Variants in DYNC1I1 observed in about 807,000 individuals in gnomAD.
DYNC1I1 encodes the protein cytoplasmic dynein 1 intermediate chain 1.
A neutral mutation model predicts 86.6 loss-of-function variants in DYNC1I1; 43 were observed. The observed-to-expected ratio is 0.50, with a 90% CI of 0.39 to 0.64. The LOEUF is 0.64. Among genes scored for constraint, DYNC1I1 ranks in the 30% least tolerant of loss-of-function variants. The pLI is 0.00. For missense variants in DYNC1I1, 604 were observed against 788.8 expected, an observed-to-expected ratio of 0.77 and a Z score of 2.81; for synonymous variants, 262 against 283.7, an observed-to-expected ratio of 0.92 and a Z score of 0.77.
intron 14 of DYNC1I1, among the ~76,000 whole-genome samples, chr7:96,069,590 T>C (rs1790102060): frequency 6.6e-6 from 1 of 152,196 alleles, no homozygotes; most frequent in Non-Finnish European, 1.5e-5. Flanking sequence ...ATGAGAACCT[T>C]GGGTGGAGCT....
In DYNC1I1 at chr7:95,810,499, G is replaced by T. The variant is rs78122113; in HGVS notation, c.216G>T (p.Pro72=). ...LLQSIGISPE[P]PLVPTPMSPS... The stretch of plus-strand genomic sequence containing the variant: ...AAAGCATTGGTATCTCACCGGAGCC[G>T]CCTCTAGGTACTTAAAAGTGCTTCC... The change falls in exon 3 of 17, where the codon CCG becomes CCT. Residue 72 remains proline (P), a synonymous_variant. Coordinates refer to ENST00000447467, the MANE Select transcript of DYNC1I1 (RefSeq NM_001135556.2). 6.2e-7 allele frequency: 1 copy of T among 1,610,684 alleles called. No homozygotes were observed. The highest frequency in any genetic ancestry group is 1.3e-5 in the African/African-American group (1 of 74,760).
chr7:95,876,647 T>C (rs1790316534), intron 6 of DYNC1I1, among the ~76,000 whole-genome samples: 1 of 152,220 alleles, frequency 6.6e-6, no homozygotes, highest in African/African-American at 2.4e-5. Flanking sequence ...ACAAAAATTA[T>C]TTTTGCCTAC....
intron 6 of DYNC1I1, among the ~76,000 whole-genome samples, chr7:95,880,443 T>A (rs143655127): frequency 2.2e-4 from 33 of 152,244 alleles, no homozygotes; most frequent in Middle Eastern, 6.8e-3. Flanking sequence ...CCAGTTTTTT[T>A]CCTGGGGGAG....
intron 5 of DYNC1I1, among the ~76,000 whole-genome samples, chr7:95,864,639 G>A (rs1240678441): frequency 6.6e-6 from 1 of 152,132 alleles, no homozygotes; most frequent in East Asian, 1.9e-4. Context: ...GGAATCATCT[G>A]TCTGACTTTT....
rs149272306 is a variant in DYNC1I1, at chr7:95,825,955, G to T, written c.315-2102G>T. ...ACTGATCAGAATTTCTAGGGTTGGG[G>T]ATCAGCTTATTAAAGCTCTCCAGGT... On this transcript the variant is annotated intron_variant, in intron 4 of 16. Transcript: ENST00000447467. Among the ~76,000 whole-genome samples the T allele has an allele frequency of 6.3e-3, 959 of 152,264 alleles. 9 individuals are homozygous for T. The highest frequency in any genetic ancestry group is 0.022 in the African/African-American group (902 of 41,536).
chr7:95,832,476 A>T (rs926180404), intron 5 of DYNC1I1, among the ~76,000 whole-genome samples: 1 of 151,920 alleles, frequency 6.6e-6, no homozygotes, highest in African/African-American at 2.4e-5. Flanking sequence ...TCCTTTGGAT[A>T]TATACCCAGT....
At chr7:95,779,295 A>C (rs1793925188) in intron 1 of DYNC1I1, among the ~76,000 whole-genome samples, 1 of 152,188 alleles carries the variant, frequency 6.6e-6, no homozygotes, top group Admixed American at 6.5e-5. Context: ...ATCTAAGAGC[A>C]TCTAGGAGGC....
intron 1 of DYNC1I1, among the ~76,000 whole-genome samples, chr7:95,792,351 A>G (rs1447642516): frequency 6.6e-6 from 1 of 152,176 alleles, no homozygotes; most frequent in Non-Finnish European, 1.5e-5. Flanking sequence ...AACTTGAGAA[A>G]TGGCATGTGC....
intron 16 of DYNC1I1, among the ~76,000 whole-genome samples, chr7:96,087,971 C>G (rs1221367483): frequency 6.6e-6 from 1 of 151,974 alleles, no homozygotes; most frequent in Non-Finnish European, 1.5e-5. Context: ...TTGGTATTAA[C>G]TTTATTTCTT....
intron 16 of DYNC1I1, among the ~76,000 whole-genome samples, chr7:96,107,522 C>T (rs1166661921): frequency 2.0e-5 from 3 of 149,942 alleles, no homozygotes; most frequent in Admixed American, 6.7e-5. Context: ...CTGGGGATAT[C>T]GTAATTTCTT....
chr7:95,935,794 C>A (rs2116425071), intron 6 of DYNC1I1, among the ~76,000 whole-genome samples: 1 of 151,990 alleles, frequency 6.6e-6, no homozygotes, highest in African/African-American at 2.4e-5. Flanking sequence ...AAATGGACGA[C>A]AGATTTAAAT....
At chr7:96,025,459 A>G (rs1426674693) in intron 10 of DYNC1I1, among the ~76,000 whole-genome samples, 1 of 152,108 alleles carries the variant, frequency 6.6e-6, no homozygotes, top group Non-Finnish European at 1.5e-5. Context: ...CTTATTTATC[A>G]TGGTTATATT....
At position 95,813,123 on chromosome 7, in the gene DYNC1I1, A is replaced by G. The variant is rs542020843; in HGVS notation, c.224-124A>G. 3.7e-5 allele frequency: 55 copies of G among 1,477,592 alleles called. 2 individuals are homozygous for G. Among genetic ancestry groups the G allele is most frequent in the South Asian group, 2.4e-4 (17 of 72,194 alleles). The allele number at this position is 1,477,592 out of a possible 1,614,324, so 91.5% of individuals were successfully genotyped here. A position where few individuals can be genotyped will look rare whatever the true frequency, so the allele number is the denominator to read the frequency against. On this transcript the variant is annotated intron_variant, in intron 3 of 16. Transcript: ENST00000447467. ...TTTTTTTTTTCTTTATCCCATCTCA[A>G]TGTCTCCTGGCCATACAACCACTTT... is the stretch of plus-strand genomic sequence containing the variant.
chr7:96,074,333 A>C (rs1016036258), intron 14 of DYNC1I1, among the ~76,000 whole-genome samples: 15 of 152,114 alleles, frequency 9.9e-5, no homozygotes, highest in Non-Finnish European at 2.2e-4. Context: ...GCGGATCACG[A>C]GGTCAGGAGA....
intron 1 of DYNC1I1, among the ~76,000 whole-genome samples, chr7:95,803,230 C>G (rs934100204): frequency 6.6e-6 from 1 of 152,204 alleles, no homozygotes; most frequent in African/African-American, 2.4e-5. Context: ...AGGCCTGGCA[C>G]TGAGTGATCA....
chr7:95,880,396 G>A (rs1303407918), intron 6 of DYNC1I1, among the ~76,000 whole-genome samples: 2 of 152,126 alleles, frequency 1.3e-5, no homozygotes, highest in Admixed American at 6.5e-5. Flanking sequence ...CCAATTGGTA[G>A]GTTTGGATAA....
intron 16 of DYNC1I1, among the ~76,000 whole-genome samples, chr7:96,103,460 T>G (rs1345973274): frequency 6.6e-6 from 1 of 152,228 alleles, no homozygotes; most frequent in Non-Finnish European, 1.5e-5. Flanking sequence ...GGTCTCCCTG[T>G]GTCCACCTTT....
Position 95,970,428 on chromosome 7 carries a change from T to C in DYNC1I1, c.491-7084T>C, listed in dbSNP as rs1793135620. Among the ~76,000 whole-genome samples, 2 of 152,190 alleles carry C rather than the reference T, an allele frequency of 1.3e-5. 1 individual carries two copies. The highest frequency in any genetic ancestry group is 4.2e-4 in the South Asian group (2 of 4,818). On this transcript the variant is annotated intron_variant, in intron 6 of 16. Coordinates refer to ENST00000447467, the MANE Select transcript of DYNC1I1 (RefSeq NM_001135556.2). ...CAGGGTAGATTGACAGCAGTGATTT[T>C]CATTGAGGGTCAAGCCATCCCCAGA...
chr7:95,913,733 G>T (rs1791398419), intron 6 of DYNC1I1, among the ~76,000 whole-genome samples: 1 of 152,132 alleles, frequency 6.6e-6, no homozygotes, highest in Non-Finnish European at 1.5e-5. Context: ...TAGGGAAATG[G>T]CATCCTTGCC....
Sources: gnomAD v4.1 joint callset for allele counts (sites outside exome capture counted in the v4.1 genomes callset) on GRCh38, gnomAD v4.1.1 for gene constraint, MANE v1.5 for transcripts, NCBI Gene and HGNC (gene_info 2026-07-23, HGNC 2026-07-21) for gene names.